KDM5A: variants seen among roughly 807,000 people sequenced by gnomAD.
KDM5A encodes lysine-specific demethylase 5A.
KDM5A carries 42 observed loss-of-function variants against 193.5 expected under a neutral mutation model. The observed-to-expected ratio is 0.22, with a 90% CI of 0.17 to 0.28. The LOEUF is 0.28. Among genes scored for constraint, KDM5A ranks in the 10% least tolerant of loss-of-function variants. KDM5A has a pLI of 1.00. For missense variants in KDM5A, 1,692 were observed against 2,055.1 expected (o/e 0.82, Z 3.42); for synonymous variants, 796 against 718.1 (o/e 1.11, Z -1.73).
At chr12:321,490 T>C (rs1453902224) in intron 17 of KDM5A, among the ~76,000 whole-genome samples, 1 of 152,244 alleles carries the variant, frequency 6.6e-6, no homozygotes, top group Non-Finnish European at 1.5e-5. Context: ...TGTGTGCACA[T>C]GATTTTTCTA....
chr12:384,091 T>A lies in KDM5A; in HGVS notation c.306A>T (p.Gly102=). The A allele has an allele frequency of 2.5e-6, 4 of 1,609,658 alleles. No individual in the cohort carries two copies. Among genetic ancestry groups the A allele is most frequent in the Non-Finnish European group, 3.4e-6 (4 of 1,175,884 alleles). ...CTACCACAGGGATCTTCAGAGTAGA[T>A]CCTTGAAGTTCCCAAAATTTTGCTA... The part of the protein sequence containing the change: ...DQLAKFWELQ[G]STLKIPVVER... The change falls in exon 3 of 28, where the codon GGA becomes GGT. Residue 102 remains glycine, a synonymous_variant. Coordinates refer to ENST00000399788, the MANE Select transcript of KDM5A (RefSeq NM_001042603.3).
chr12:313,073 T>C lies in KDM5A; in HGVS notation c.3019A>G (p.Lys1007Glu), dbSNP rs1433082103. The change falls in exon 20 of 28, where the codon AAA becomes GAA. Residue 1007 changes from lysine to glutamate, a missense_variant. By Grantham distance (56) the Lys-to-Glu change is moderately conservative. Transcript: ENST00000399788. ...CTTCTTACCTGAATAGCTTCCACTT[T>C]AGCGGTCCATTCTCGAGCCTTTTGT... The part of the protein sequence containing the change: ...ALQKAREWTA[K>E]VEAIQSGSNY... 2.5e-6 allele frequency: 4 copies of C among 1,614,064 alleles called. No individual in the cohort carries two copies. Among genetic ancestry groups the C allele is most frequent in the Non-Finnish European group, 3.4e-6 (4 of 1,180,018 alleles).
chr12:326,692 T>C (rs1204320199), intron 14 of KDM5A, among the ~76,000 whole-genome samples: 1 of 151,816 alleles, frequency 6.6e-6, no homozygotes, highest in African/African-American at 2.4e-5. Context: ...AAACCCCATC[T>C]CTACTAAAAA....
In KDM5A at chr12:280,733, G is replaced by A. The variant is rs1004098416; in HGVS notation, c.*4723C>T. The A allele has an allele frequency of 1.7e-5, 4 of 232,902 alleles. No individual in the cohort carries two copies. Among genetic ancestry groups the A allele is most frequent in the Non-Finnish European group, 3.4e-5 (4 of 117,918 alleles). 14.4% of individuals were successfully genotyped at this position (232,902 alleles called of 1,614,324 possible). On this transcript the variant is annotated 3_prime_UTR_variant, in exon 28 of 28. Coordinates refer to ENST00000399788, the MANE Select transcript of KDM5A (RefSeq NM_001042603.3). ...CCCTATTAATGGTTTGTTGCAAAGG[G>A]ATAAACTTCTCAAGAACCAAAAGTG...
chr12:335,999 C>T (rs939300350), intron 10 of KDM5A, among the ~76,000 whole-genome samples: 8 of 128,222 alleles, frequency 6.2e-5, no homozygotes, highest in East Asian at 2.5e-4. Context: ...GCCGAGATCG[C>T]GGCATTGCAC....
chr12:344,769 C>T (rs954357436), intron 10 of KDM5A, among the ~76,000 whole-genome samples: 3 of 152,126 alleles, frequency 2.0e-5, no homozygotes, highest in African/African-American at 7.2e-5. Context: ...GAAGGAAGCA[C>T]TAAACATGGA....
chr12:323,260 C>CAAA, intron 15 of KDM5A, 54 bp from the exon 16 acceptor site: 1 of 1,295,052 alleles, frequency 7.7e-7, no homozygotes, highest in Non-Finnish European at 9.9e-7. Context: ...ATAAAAACCT[C>CAAA]AAAAACCAAC....
Position 292,936 on chromosome 12 carries a change from T to C in KDM5A, c.4689A>G (p.Lys1563=), listed in dbSNP as rs1943318477. 2 of 1,613,860 alleles carry C rather than the reference T, an allele frequency of 1.2e-6. No homozygotes were observed. The highest frequency in any genetic ancestry group is 1.3e-5 in the African/African-American group (1 of 75,046). The change falls in exon 27 of 28, where the codon AAA becomes AAG. Residue 1563 remains lysine (K), a synonymous_variant. Coordinates refer to ENST00000399788, the MANE Select transcript of KDM5A (RefSeq NM_001042603.3). The part of the protein sequence containing the change: ...KKLAKEEERK[K]KKEKAAAAKV... ...TGGCTGCAGCAGCCTTCTCCTTCTT[T>C]TTCTTTCTCTCTTCTTCTTTTGCTA...
chr12:283,952 A>G lies in KDM5A; in HGVS notation c.*1504T>C, dbSNP rs368371405. On this transcript the variant is annotated 3_prime_UTR_variant, in exon 28 of 28. Transcript: ENST00000399788. ...CCATAGTTTCAAACATTCACACACA[A>G]AAGAAAAAAGAGCCAGCACAGACTA... 3 of 233,424 alleles carry G rather than the reference A, an allele frequency of 1.3e-5. No homozygotes were observed. The highest frequency in any genetic ancestry group is 1.1e-4 in the Admixed American group (2 of 17,764). 14.5% of individuals were successfully genotyped at this position (233,424 alleles called of 1,614,324 possible).
chr12:356,653 C>A, intron 5 of KDM5A, 116 bp from the exon 6 acceptor site: 1 of 724,804 alleles, frequency 1.4e-6, no homozygotes. Flanking sequence ...TATTGGATTT[C>A]TTTTCTGTAA....
rs2137451479 is a variant in KDM5A, at chr12:352,213, G to A, written c.1141C>T (p.Pro381Ser). 6.2e-7 allele frequency: 1 copy of A among 1,611,220 alleles called. No homozygotes were observed. The highest frequency in any genetic ancestry group is 8.5e-7 in the Non-Finnish European group (1 of 1,178,390). ...DNFKSDYFNM[P>S]VHMVPTELVE... is the part of the protein sequence containing the mutation. ...AAAGATAGCTTACTCACATGGACTG[G>A]CATATTAAAATAATCAGACTTAAAA... Residue 381 changes from proline (P) to serine (S), a missense_variant, in exon 9 of 28, where the codon CCA becomes TCA. Coordinates refer to ENST00000399788, the MANE Select transcript of KDM5A (RefSeq NM_001042603.3).
chr12:305,708 G>A (rs1453598070), intron 24 of KDM5A, among the ~76,000 whole-genome samples: 1 of 152,128 alleles, frequency 6.6e-6, no homozygotes, highest in Admixed American at 6.5e-5. Flanking sequence ...AAAGCAAAGG[G>A]CTTGCACCTG....
chr12:303,670 T>C (rs766260333), intron 24 of KDM5A, among the ~76,000 whole-genome samples: 1 of 149,494 alleles, frequency 6.7e-6, no homozygotes, highest in Non-Finnish European at 1.5e-5. Flanking sequence ...AAAATTATGG[T>C]TAAGTAATCT....
chr12:297,153 A>C lies in KDM5A; in HGVS notation c.4122T>G (p.Phe1374Leu), dbSNP rs535912611. The change falls in exon 25 of 28, where the codon TTT becomes TTG. Residue 1374 changes from phenylalanine to leucine, a missense_variant. Physicochemically the swap from Phe to Leu is conservative, Grantham distance 22. This residue lies in a region of KDM5A where 965 missense variants were observed against 1,061.0 expected (regional missense o/e 0.91). Transcript: ENST00000399788. The stretch of plus-strand genomic sequence containing the variant: ...ATTTGATGGGAATCTCTTCATCACA[A>C]AAAAGATTGGGTTCAAGACTACTAG... Reference protein sequence around the residue: ...KSSSSLEPNLFCDEEIPIKSE... With the variant: ...KSSSSLEPNLLCDEEIPIKSE... 3 of 1,614,098 alleles carry C rather than the reference A, an allele frequency of 1.9e-6. No individual in the cohort carries two copies. The highest frequency in any genetic ancestry group is 2.5e-6 in the Non-Finnish European group (3 of 1,179,982).
intron 24 of KDM5A, among the ~76,000 whole-genome samples, chr12:299,869 CA>C (rs1041317888): frequency 6.7e-6 from 1 of 148,432 alleles, no homozygotes; most frequent in Non-Finnish European, 1.5e-5. Flanking sequence ...AAATGGAAAA[CA>C]AAAAAAAAGC....
intron 10 of KDM5A, among the ~76,000 whole-genome samples, chr12:342,983 C>T (rs1350942818): frequency 1.3e-5 from 2 of 152,168 alleles, no homozygotes; most frequent in Non-Finnish European, 2.9e-5. Flanking sequence ...TCACCTCACC[C>T]TGGAAGAACA....
intron 3 of KDM5A, among the ~76,000 whole-genome samples, chr12:367,154 G>C (rs76317086): frequency 0.017 from 2,537 of 152,272 alleles, 36 homozygotes; most frequent in Non-Finnish European, 0.027. Flanking sequence ...CGATTGTACA[G>C]GCAGTTTTCA....
chr12:365,787 C>A, intron 4 of KDM5A, 147 bp downstream of exon 4: 1 of 662,674 alleles, frequency 1.5e-6, no homozygotes, highest in South Asian at 1.8e-5. Context: ...TGTAAACCAT[C>A]AAAAACAGCT....
chr12:387,048 G>C (rs1371640309), intron 1 of KDM5A, among the ~76,000 whole-genome samples: 1 of 151,872 alleles, frequency 6.6e-6, no homozygotes, highest in Non-Finnish European at 1.5e-5. Flanking sequence ...CAAATGTTTT[G>C]TTCAAAGCCC....
Sources: allele counts gnomAD v4.1 joint callset (sites outside exome capture counted in the v4.1 genomes callset), GRCh38; gene constraint gnomAD v4.1.1; regional missense constraint gnomAD v4.1.1; transcripts MANE v1.5; gene names NCBI Gene and HGNC (gene_info 2026-07-23, HGNC 2026-07-21).